The following CEP63 variants were observed in gnomAD, a reference collection of about 807,000 sequenced individuals.
The protein encoded by CEP63 is centrosomal protein of 63 kDa.
Under a neutral mutation model 89.1 loss-of-function variants are expected in CEP63, and 84 were observed. That is an observed-to-expected ratio of 0.94 (90% CI 0.79 to 1.13). The LOEUF (loss-of-function observed/expected upper bound fraction) is 1.13. Among genes scored for constraint, CEP63 ranks in the 50% most tolerant of loss-of-function variants. The pLI is 0.00. For synonymous variants in CEP63, 267 were observed against 272.5 expected, an observed-to-expected ratio of 0.98 and a Z score of 0.20; for missense variants, 838 against 813.3, an observed-to-expected ratio of 1.03 and a Z score of -0.37.
chr3:134,543,363 G>A (rs1952467640), intron 6 of CEP63, among the ~76,000 whole-genome samples: 1 of 152,028 alleles, frequency 6.6e-6, no homozygotes, highest in African/African-American at 2.4e-5. Context: ...GTGCATTCTA[G>A]GCAATGAAAA....
the CEP63 span, chr3:134,651,267 CT>C: frequency 7.1e-4 from 858 of 1,202,526 alleles, 6 homozygotes; most frequent in African/African-American, 0.013. Flanking sequence ...CAGAGCCTCC[CT>C]CCCTGCGCCC....
At chr3:134,711,961 C>T in the CEP63 span, among the ~76,000 whole-genome samples, 2 of 152,016 alleles carry the variant, frequency 1.3e-5, no homozygotes, top group Non-Finnish European at 2.9e-5. Context: ...TGGGGTTTCT[C>T]CATGTTGGTC....
At chr3:134,523,803 A>C (rs907940520) in intron 3 of CEP63, among the ~76,000 whole-genome samples, 4 of 152,026 alleles carry the variant, frequency 2.6e-5, no homozygotes, top group African/African-American at 9.7e-5. Flanking sequence ...CCTGTAGTAT[A>C]GTTTGAAGTT....
chr3:134,568,369 T>C (rs191690482), downstream of CEP63, among the ~76,000 whole-genome samples: 6 of 152,356 alleles, frequency 3.9e-5, no homozygotes, highest in Admixed American at 3.9e-4. Context: ...GGAAGTGTTA[T>C]CTCCCAGTTA....
At chr3:134,655,995 T>G in the CEP63 span, among the ~76,000 whole-genome samples, 1 of 152,222 alleles carries the variant, frequency 6.6e-6, no homozygotes, top group Admixed American at 6.5e-5. Context: ...TGTGTTGTGA[T>G]AGTTCCATAC....
chr3:134,693,845 G>T, the CEP63 span, among the ~76,000 whole-genome samples: 3 of 152,202 alleles, frequency 2.0e-5, no homozygotes, highest in Admixed American at 6.5e-5. Flanking sequence ...TGCATGGACC[G>T]ATTACCGGGG....
the CEP63 span, among the ~76,000 whole-genome samples, chr3:134,751,016 A>C: frequency 6.6e-6 from 1 of 152,228 alleles, no homozygotes. Flanking sequence ...ACTCCAAAGG[A>C]AACCGTTTCA....
the CEP63 span, among the ~76,000 whole-genome samples, chr3:134,706,107 C>A: frequency 6.6e-6 from 1 of 152,050 alleles, no homozygotes; most frequent in South Asian, 2.1e-4. Flanking sequence ...GGGGAGAGGA[C>A]AGAACTAAGT....
At chr3:134,749,380 AG>A in the CEP63 span, among the ~76,000 whole-genome samples, 2 of 152,102 alleles carry the variant, frequency 1.3e-5, no homozygotes, top group African/African-American at 4.8e-5. Flanking sequence ...TGGACTGGGG[AG>A]GGACCAGCTG....
intron 3 of CEP63, among the ~76,000 whole-genome samples, chr3:134,512,619 TA>T (rs1353764415): frequency 6.6e-6 from 1 of 152,000 alleles, no homozygotes; most frequent in Non-Finnish European, 1.5e-5. Flanking sequence ...CTGTGAGGAG[TA>T]ATTTCAAGCC....
chr3:134,658,501 T>C, the CEP63 span, among the ~76,000 whole-genome samples: 1 of 152,186 alleles, frequency 6.6e-6, no homozygotes, highest in African/African-American at 2.4e-5. Context: ...GTCTTACTCA[T>C]TCCTGAATCC....
chr3:134,532,223 C>A (rs951008389), intron 4 of CEP63, among the ~76,000 whole-genome samples: 1 of 152,006 alleles, frequency 6.6e-6, no homozygotes, highest in Non-Finnish European at 1.5e-5. Context: ...TACTTGATAC[C>A]AAAAATTACA....
chr3:134,672,645 A>G, the CEP63 span, among the ~76,000 whole-genome samples: 1 of 152,208 alleles, frequency 6.6e-6, no homozygotes, highest in African/African-American at 2.4e-5. Flanking sequence ...CAGTTTCGTC[A>G]TAAATGGCTT....
intron 3 of CEP63, among the ~76,000 whole-genome samples, chr3:134,528,954 T>G (rs1039665566): frequency 1.3e-5 from 2 of 152,220 alleles, no homozygotes; most frequent in African/African-American, 2.4e-5. Context: ...CTCTTTTCTT[T>G]TCTTTTTTAA....
the CEP63 span, among the ~76,000 whole-genome samples, chr3:134,758,433 G>A: frequency 2.6e-5 from 4 of 152,222 alleles, no homozygotes. Flanking sequence ...ACAAAAGCCC[G>A]AAAACTGGAT....
the CEP63 span, among the ~76,000 whole-genome samples, chr3:134,605,225 A>G: frequency 6.6e-6 from 1 of 151,960 alleles, no homozygotes; most frequent in Non-Finnish European, 1.5e-5. Context: ...GCCCATGAGG[A>G]CCCACCTGCC....
intron 10 of CEP63, among the ~76,000 whole-genome samples, chr3:134,584,451 T>C (rs1168640046): frequency 8.5e-5 from 13 of 152,216 alleles, no homozygotes; most frequent in Non-Finnish European, 1.9e-4. Flanking sequence ...GTTTTTGTCG[T>C]TGGTTCTGTT....
the CEP63 span, among the ~76,000 whole-genome samples, chr3:134,745,867 T>G: frequency 6.6e-6 from 1 of 151,850 alleles, no homozygotes; most frequent in Admixed American, 6.6e-5. Context: ...GAACTCATCC[T>G]TTTTTATGGC....
chr3:134,527,739 T>C (rs1948956601), intron 3 of CEP63, among the ~76,000 whole-genome samples: 1 of 152,146 alleles, frequency 6.6e-6, no homozygotes, highest in South Asian at 2.1e-4. Flanking sequence ...GAAGCTATGA[T>C]GCAGTCCCCC....
Sources: allele counts gnomAD v4.1 joint callset (sites outside exome capture counted in the v4.1 genomes callset), GRCh38; gene constraint gnomAD v4.1.1; transcripts MANE v1.5; gene names NCBI Gene and HGNC (gene_info 2026-07-23, HGNC 2026-07-21).